The following RBFOX1 variants were observed in gnomAD, a reference collection of about 807,000 sequenced individuals.
RBFOX1 encodes RNA binding protein fox-1 homolog 1.
Under a neutral mutation model 57.7 loss-of-function variants are expected in RBFOX1, and 8 were observed. The observed-to-expected ratio is 0.14, with a 90% CI of 0.08 to 0.25. The LOEUF is 0.25. Ranked by LOEUF, RBFOX1 falls within the 10% of genes least tolerant of loss-of-function variation. The pLI is 1.00. For missense variants in RBFOX1, 611 were observed against 548.5 expected (o/e 1.11, Z -1.14); for synonymous variants, 326 against 222.4 (o/e 1.47, Z -4.15).
At chr16:7,508,579 T>C (rs1008005311) in intron 4 of RBFOX1, among the ~76,000 whole-genome samples, 3 of 152,144 alleles carry the variant, frequency 2.0e-5, no homozygotes, top group African/African-American at 4.8e-5. Flanking sequence ...TCTCACTCTG[T>C]GATGCATTGC....
intron 1 of RBFOX1, among the ~76,000 whole-genome samples, chr16:5,286,251 A>G (rs1399291149): frequency 6.6e-6 from 1 of 152,196 alleles, no homozygotes; most frequent in Non-Finnish European, 1.5e-5. Context: ...CTGGGCCTCC[A>G]GGTGGCTTCT....
chr16:5,443,404 C>A (rs945196564), intron 1 of RBFOX1, among the ~76,000 whole-genome samples: 9 of 152,168 alleles, frequency 5.9e-5, no homozygotes, highest in African/African-American at 2.2e-4. Flanking sequence ...GTGTCGCGAT[C>A]TTGGCTCACT....
At chr16:6,240,320 T>C (rs2097533595) in intron 1 of RBFOX1, among the ~76,000 whole-genome samples, 1 of 152,174 alleles carries the variant, frequency 6.6e-6, no homozygotes, top group African/African-American at 2.4e-5. Context: ...TGGGGACTAA[T>C]TGTCTCCAAG....
At chr16:7,026,205 C>T (rs758840280) in intron 3 of RBFOX1, among the ~76,000 whole-genome samples, 4 of 152,140 alleles carry the variant, frequency 2.6e-5, no homozygotes, top group East Asian at 1.9e-4. Context: ...ACATCAAGAC[C>T]GTCTCTTCTA....
At chr16:7,199,909 AAAC>A (rs146515780) in intron 4 of RBFOX1, among the ~76,000 whole-genome samples, 15,045 of 151,884 alleles carry the variant, frequency 0.099, 805 homozygotes, top group Non-Finnish European at 0.11. Context: ...AAACAAAACA[AAAC>A]AACAACAACA....
intron 2 of RBFOX1, among the ~76,000 whole-genome samples, chr16:5,582,263 T>C (rs2046692954): frequency 6.6e-6 from 1 of 152,076 alleles, no homozygotes; most frequent in Admixed American, 6.6e-5. Flanking sequence ...GAGGCATGAC[T>C]GGGGCTGCAC....
intron 3 of RBFOX1, among the ~76,000 whole-genome samples, chr16:5,779,996 T>G (rs761050002): frequency 5.3e-5 from 8 of 152,170 alleles, no homozygotes; most frequent in Non-Finnish European, 1.2e-4. Context: ...CTTAAAAGCA[T>G]GTTTGCTATT....
At chr16:5,304,480 G>A (rs187068243) in intron 1 of RBFOX1, among the ~76,000 whole-genome samples, 49 of 152,330 alleles carry the variant, frequency 3.2e-4, no homozygotes, top group African/African-American at 7.2e-4. Context: ...AGTTGAGTCT[G>A]TCATGGTGAC....
chr16:5,294,182 T>A (rs2049696), intron 1 of RBFOX1, among the ~76,000 whole-genome samples: 122,084 of 152,098 alleles, frequency 0.8, 50,553 homozygotes, highest in East Asian at 0.9. Flanking sequence ...TGAGCTGAGA[T>A]CACACCACTG....
chr16:7,642,714 AAAC>A (rs1193320837), intron 11 of RBFOX1, among the ~76,000 whole-genome samples: 3 of 152,012 alleles, frequency 2.0e-5, no homozygotes, highest in Non-Finnish European at 4.4e-5. Flanking sequence ...GTTTCCCGGG[AAAC>A]AACAACATGG....
At chr16:5,861,320 A>G (rs1268310472) in intron 3 of RBFOX1, among the ~76,000 whole-genome samples, 1 of 152,176 alleles carries the variant, frequency 6.6e-6, no homozygotes, top group Non-Finnish European at 1.5e-5. Flanking sequence ...TGAGCTCTAG[A>G]CAATTGAATG....
intron 1 of RBFOX1, among the ~76,000 whole-genome samples, chr16:5,307,222 C>CT (rs1270419282): frequency 1.3e-5 from 2 of 152,128 alleles, no homozygotes; most frequent in Non-Finnish European, 1.5e-5. Flanking sequence ...TGTTTGCATG[C>CT]TTTAGGGAGG....
At chr16:5,438,187 G>A (rs983182705) in intron 1 of RBFOX1, among the ~76,000 whole-genome samples, 1 of 152,138 alleles carries the variant, frequency 6.6e-6, no homozygotes, top group Admixed American at 6.5e-5. Context: ...CTTGTTAGGC[G>A]ACAAAACTAG....
intron 3 of RBFOX1, among the ~76,000 whole-genome samples, chr16:6,843,198 G>A (rs1421290660): frequency 6.6e-6 from 1 of 152,072 alleles, no homozygotes; most frequent in Non-Finnish European, 1.5e-5. Flanking sequence ...GATGTCTCTT[G>A]GGTTTAAAGA....
At chr16:7,559,175 G>T (rs1455036851) in intron 5 of RBFOX1, among the ~76,000 whole-genome samples, 1 of 152,168 alleles carries the variant, frequency 6.6e-6, no homozygotes, top group Non-Finnish European at 1.5e-5. Context: ...GGAAAAGTAG[G>T]TTTGTAATCT....
intron 2 of RBFOX1, among the ~76,000 whole-genome samples, chr16:6,499,904 T>C (rs776852588): frequency 2.6e-5 from 4 of 152,142 alleles, no homozygotes; most frequent in Non-Finnish European, 2.9e-5. Context: ...AAGGATGTGG[T>C]AAGGGTGAGT....
At chr16:6,713,637 G>C (rs1444337046) in intron 3 of RBFOX1, among the ~76,000 whole-genome samples, 1 of 152,142 alleles carries the variant, frequency 6.6e-6, no homozygotes, top group African/African-American at 2.4e-5. Context: ...GGGAACAACA[G>C]CTTCAAACAA....
chr16:6,576,275 C>G (rs990638317), intron 2 of RBFOX1, among the ~76,000 whole-genome samples: 20 of 152,178 alleles, frequency 1.3e-4, no homozygotes, highest in African/African-American at 4.8e-4. Flanking sequence ...TGTGCTGACA[C>G]ACACACTCAC....
intron 2 of RBFOX1, among the ~76,000 whole-genome samples, chr16:5,498,019 T>G (rs7185578): frequency 0.26 from 39,600 of 151,964 alleles, 8,750 homozygotes; most frequent in African/African-American, 0.61. Context: ...AAAGCTGTCA[T>G]TTTCAAGGAA....
Sources: allele counts gnomAD v4.1 joint callset (sites outside exome capture counted in the v4.1 genomes callset), GRCh38; gene constraint gnomAD v4.1.1; transcripts MANE v1.5; gene names NCBI Gene and HGNC (gene_info 2026-07-23, HGNC 2026-07-21).